The following CCDC57 variants were observed in gnomAD, a reference collection of about 807,000 sequenced individuals.
CCDC57 encodes the protein coiled-coil domain containing 57.
CCDC57 carries 118 observed loss-of-function variants against 118.9 expected under a neutral mutation model. The ratio of observed to expected loss-of-function variants is 0.99; its 90% CI spans 0.86 to 1.16. The LOEUF (loss-of-function observed/expected upper bound fraction) is 1.16, where lower values mean the gene tolerates loss of function less well. Ranked by LOEUF, CCDC57 falls within the 50% of genes most tolerant of loss-of-function variation. The pLI is 0.00. For synonymous variants in CCDC57, 527 were observed against 532.9 expected (o/e 0.99, Z 0.15); for missense variants, 1,300 against 1,320.7 (o/e 0.98, Z 0.24).
chr17:82,179,821 G>A (rs772671925), intron 9 of CCDC57, among the ~76,000 whole-genome samples: 55 of 152,342 alleles, frequency 3.6e-4, no homozygotes, highest in Non-Finnish European at 6.6e-4. Context: ...GATCCCACAC[G>A]CACACAGTAA....
chr17:82,155,678 T>C (rs1450453603), intron 15 of CCDC57: 1 of 152,338 alleles, frequency 6.6e-6, no homozygotes, highest in African/African-American at 2.4e-5. Context: ...ATTGATCCTC[T>C]ACCTGAGGGT....
At chr17:82,146,739 T>G (rs995318956) in intron 16 of CCDC57, among the ~76,000 whole-genome samples, 1 of 152,210 alleles carries the variant, frequency 6.6e-6, no homozygotes, top group Non-Finnish European at 1.5e-5. Flanking sequence ...ACACACACGG[T>G]CTAACATACA....
At chr17:82,112,635 C>T (rs761686426) in intron 19 of CCDC57, 1 of 152,318 alleles carries the variant, frequency 6.6e-6, no homozygotes, top group Non-Finnish European at 1.5e-5. Flanking sequence ...CCTTCTGTGT[C>T]CCCAGACCCT....
At chr17:82,169,870 C>G (rs756091233) in intron 13 of CCDC57, among the ~76,000 whole-genome samples, 5 of 152,176 alleles carry the variant, frequency 3.3e-5, no homozygotes, top group Non-Finnish European at 7.3e-5. Flanking sequence ...TTAAGACCTT[C>G]CATTCACCAA....
chr17:82,169,945 C>T (rs1053186679), intron 13 of CCDC57, among the ~76,000 whole-genome samples: 4 of 152,118 alleles, frequency 2.6e-5, no homozygotes, highest in African/African-American at 9.7e-5. Flanking sequence ...ACACATATAA[C>T]CAACGCTAGG....
At chr17:82,170,913 G>A (rs918476501) in intron 13 of CCDC57, among the ~76,000 whole-genome samples, 3 of 152,266 alleles carry the variant, frequency 2.0e-5, no homozygotes, top group South Asian at 2.1e-4. Flanking sequence ...GCAGCACCAC[G>A]GCTACCTCGC....
chr17:82,136,286 C>T (rs1352191527), intron 16 of CCDC57, among the ~76,000 whole-genome samples: 4 of 152,130 alleles, frequency 2.6e-5, no homozygotes, highest in Non-Finnish European at 4.4e-5. Context: ...CGCCCCAGCA[C>T]GAGGGACCCT....
chr17:82,157,755 C>T (rs1298742091), exon 15 of CCDC57: 1 of 1,594,952 alleles, frequency 6.3e-7, no homozygotes, highest in East Asian at 2.3e-5. Context: ...CACCTCTCTC[C>T]CAAGGGCCAC....
At chr17:82,196,102 C>T (rs1178853774) in intron 4 of CCDC57, among the ~76,000 whole-genome samples, 3 of 152,184 alleles carry the variant, frequency 2.0e-5, no homozygotes, top group East Asian at 1.9e-4. Context: ...AGAATGGCTG[C>T]GCCCTGCCAA....
intron 9 of CCDC57, among the ~76,000 whole-genome samples, chr17:82,183,317 C>A (rs1049062810): frequency 7.2e-5 from 11 of 152,100 alleles, no homozygotes; most frequent in African/African-American, 2.4e-4. Flanking sequence ...AGGACATGAA[C>A]AATCAGACAA....
chr17:82,194,317 T>TTC, intron 5 of CCDC57, 178 bp from the exon 5 acceptor site: 1 of 655,148 alleles, frequency 1.5e-6, no homozygotes, highest in East Asian at 2.9e-5. Flanking sequence ...GACTTTTTTT[T>TTC]TTTTCTTTTT....
chr17:82,104,011 GCCCCA>G (rs2034662395), intron 19 of CCDC57, among the ~76,000 whole-genome samples: 1 of 152,206 alleles, frequency 6.6e-6, no homozygotes, highest in Non-Finnish European at 1.5e-5. Flanking sequence ...GCAGCGGACA[GCCCCA>G]GCCCAGCCAG....
At chr17:82,157,603 C>T in intron 15 of CCDC57, 145 bp downstream of exon 14, 1 of 1,441,208 alleles carries the variant, frequency 6.9e-7, no homozygotes, top group Non-Finnish European at 9.1e-7. Flanking sequence ...GAGCAGGGCC[C>T]ACTTCCAGGC....
chr17:82,127,165 C>G (rs535918689), intron 19 of CCDC57: 1 of 985,324 alleles, frequency 1.0e-6, no homozygotes, highest in African/African-American at 1.7e-5. Flanking sequence ...AGTCTCAGGG[C>G]GGCAACGTCC....
chr17:82,188,284 C>T (rs553704073), exon 8 of CCDC57: 49 of 1,584,570 alleles, frequency 3.1e-5, no homozygotes, highest in Admixed American at 1.3e-4. Flanking sequence ...TGCGGAGCTG[C>T]GCCTCGAGGG....
At chr17:82,183,964 G>C in intron 8 of CCDC57, 32 bp from the exon 8 acceptor site, 1 of 1,486,310 alleles carries the variant, frequency 6.7e-7, no homozygotes, top group South Asian at 1.1e-5. Flanking sequence ...TGTAGATGTG[G>C]TTCTCACTCA....
chr17:82,172,913 G>T lies in CCDC57; in HGVS notation c.1507-53C>A, dbSNP rs547352109. ...AAAAAGATGAATGGTTCCCCAGCTT[G>T]TCCTGACAGGCTGTGCCTCCGCTCT... On this transcript the variant is annotated intron_variant, in intron 11 of 19. Coordinates refer to ENST00000665763, the Ensembl canonical transcript of CCDC57. This position sits in a 1 kb window ranked among gnomAD's most constrained non-coding sequence, Gnocchi z 5.2. 9.3e-6 allele frequency: 14 copies of T among 1,510,466 alleles called. No individual in the cohort carries two copies. In the Admixed American group the frequency reaches 2.3e-4, roughly 25 times the overall value. 93.6% of individuals were successfully genotyped at this position (1,510,466 alleles called of 1,614,324 possible). A position where few individuals can be genotyped will look rare whatever the true frequency, so the allele number is the denominator to read the frequency against.
chr17:82,201,580 AGCTGCTGCT>A (rs771219269), exon 3 of CCDC57: 5 of 1,611,870 alleles, frequency 3.1e-6, no homozygotes, highest in Non-Finnish European at 4.2e-6. Context: ...CTGGAATGCC[AGCTGCTGCT>A]GCTGCTGCAG....
chr17:82,196,236 T>C (rs1464288787), intron 4 of CCDC57, among the ~76,000 whole-genome samples: 1 of 152,262 alleles, frequency 6.6e-6, no homozygotes, highest in African/African-American at 2.4e-5. Flanking sequence ...TTGGAGCCAC[T>C]TGAGGAAGCC....
Sources: gnomAD v4.1 joint callset for allele counts (sites outside exome capture counted in the v4.1 genomes callset) on GRCh38, gnomAD v4.1.1 for gene constraint, Gnocchi (gnomAD v3.1) non-coding constraint, MANE v1.5 for transcripts, NCBI Gene and HGNC (gene_info 2026-07-23, HGNC 2026-07-21) for gene names.